The following SMYD3 variants were observed in gnomAD, a reference collection of about 807,000 sequenced individuals.
The protein encoded by SMYD3 is histone-lysine N-methyltransferase SMYD3.
Under a neutral mutation model 57.7 loss-of-function variants are expected in SMYD3, and 36 were observed. The ratio of observed to expected loss-of-function variants is 0.62; its 90% CI spans 0.48 to 0.82. The LOEUF (loss-of-function observed/expected upper bound fraction) is 0.82, where lower values mean the gene tolerates loss of function less well. Ranked by LOEUF, SMYD3 falls within the 40% of genes least tolerant of loss-of-function variation. SMYD3 has a pLI of 0.00. For missense variants in SMYD3, 515 were observed against 538.8 expected (o/e 0.96, Z 0.44); for synonymous variants, 211 against 195.0 (o/e 1.08, Z -0.68).
intron 10 of SMYD3, among the ~76,000 whole-genome samples, chr1:245,812,942 G>A (rs894412858): frequency 4.0e-5 from 6 of 151,502 alleles, no homozygotes; most frequent in African/African-American, 1.5e-4. Flanking sequence ...AGAATAGAGG[G>A]GTAGTTGGGG....
chr1:246,190,004 CTAATT>C (rs891633991), intron 5 of SMYD3, among the ~76,000 whole-genome samples: 2 of 152,120 alleles, frequency 1.3e-5, no homozygotes, highest in African/African-American at 4.8e-5. Flanking sequence ...TTTGTGGAGT[CTAATT>C]TATTTCAAGA....
In SMYD3 at chr1:245,993,419, G is replaced by A. The variant is rs537344696; in HGVS notation, c.532-63482C>T. On this transcript the variant is annotated intron_variant, in intron 5 of 11. Transcript: ENST00000490107. Reference sequence around the variant, plus strand: ...TCAGCAATACTAAACTTTAAAAGAAGAAACCACGTTTAAAAAATTGGTTAA... The same window carrying A: ...TCAGCAATACTAAACTTTAAAAGAAAAAACCACGTTTAAAAAATTGGTTAA... 4.1e-3 allele frequency among the ~76,000 whole-genome samples: 623 copies of A among 152,200 alleles called. 1 individual carries two copies. The highest frequency in any genetic ancestry group is 6.8e-3 in the Middle Eastern group (2 of 294).
At chr1:246,021,019 A>T (rs1366157694) in intron 5 of SMYD3, among the ~76,000 whole-genome samples, 1 of 152,228 alleles carries the variant, frequency 6.6e-6, no homozygotes, top group African/African-American at 2.4e-5. Flanking sequence ...ATTTGATTGT[A>T]AACATAAAAA....
At chr1:245,771,163 T>C (rs1468022106) in intron 10 of SMYD3, among the ~76,000 whole-genome samples, 1 of 149,472 alleles carries the variant, frequency 6.7e-6, no homozygotes, top group African/African-American at 2.5e-5. Flanking sequence ...TACATACATA[T>C]GGCTGTAATG....
At chr1:246,481,747 T>C (rs934159056) in intron 1 of SMYD3, among the ~76,000 whole-genome samples, 2 of 147,142 alleles carry the variant, frequency 1.4e-5, no homozygotes, top group Non-Finnish European at 3.0e-5. Flanking sequence ...TATATGATCA[T>C]ATATGATTAT....
intron 5 of SMYD3, among the ~76,000 whole-genome samples, chr1:246,198,036 T>C (rs1332035310): frequency 6.6e-6 from 1 of 152,198 alleles, no homozygotes; most frequent in East Asian, 1.9e-4. Context: ...TTTTTACTAT[T>C]AATAGTTATG....
chr1:245,934,973 G>A (rs536338285), intron 5 of SMYD3, among the ~76,000 whole-genome samples: 4 of 152,242 alleles, frequency 2.6e-5, no homozygotes, highest in South Asian at 2.1e-4. Flanking sequence ...TCTTAGTCAC[G>A]TTATTTCATT....
intron 10 of SMYD3, among the ~76,000 whole-genome samples, chr1:245,839,443 A>G (rs1022500131): frequency 1.3e-5 from 2 of 151,936 alleles, no homozygotes; most frequent in African/African-American, 2.4e-5. Context: ...TGCTGGGATT[A>G]CAGGCATGAG....
intron 10 of SMYD3, among the ~76,000 whole-genome samples, chr1:245,816,835 C>T (rs552233073): frequency 7.2e-5 from 11 of 152,302 alleles, no homozygotes; most frequent in East Asian, 1.9e-4. Context: ...TTGCGCTTTT[C>T]GGACCGGCCT....
At chr1:245,891,181 A>G (rs1047784108) in intron 8 of SMYD3, among the ~76,000 whole-genome samples, 9 of 152,220 alleles carry the variant, frequency 5.9e-5, no homozygotes, top group Non-Finnish European at 1.2e-4. Context: ...CAGAGTCTAC[A>G]ATAATTTACT....
chr1:246,490,001 CTTTTTTT>C (rs71968916), intron 1 of SMYD3, among the ~76,000 whole-genome samples: 18 of 92,294 alleles, frequency 2.0e-4, no homozygotes, highest in African/African-American at 6.0e-4. Flanking sequence ...TAATTTTTTC[CTTTTTTT>C]TTTTTTTTTT....
intron 5 of SMYD3, among the ~76,000 whole-genome samples, chr1:246,165,394 T>C (rs1259411678): frequency 1.3e-5 from 2 of 152,080 alleles, no homozygotes; most frequent in African/African-American, 2.4e-5. Context: ...ACAGGCACAT[T>C]TAAAGGCTAA....
At chr1:246,297,326 G>C (rs542301643) in intron 5 of SMYD3, among the ~76,000 whole-genome samples, 175 of 152,226 alleles carry the variant, frequency 1.1e-3, no homozygotes, top group African/African-American at 4.1e-3. Flanking sequence ...CCTCAGAGGA[G>C]TCAAACAGGA....
intron 1 of SMYD3, among the ~76,000 whole-genome samples, chr1:246,379,251 G>A (rs76737002): frequency 1.3e-5 from 2 of 149,992 alleles, no homozygotes; most frequent in African/African-American, 4.9e-5. Flanking sequence ...CATTACATGG[G>A]TGTAATAAGA....
At chr1:246,342,716 A>AGC (rs1227360251) in intron 2 of SMYD3, among the ~76,000 whole-genome samples, 1 of 152,200 alleles carries the variant, frequency 6.6e-6, no homozygotes, top group African/African-American at 2.4e-5. Flanking sequence ...AGCTAAATAT[A>AGC]AAGAAGGAAT....
intron 5 of SMYD3, among the ~76,000 whole-genome samples, chr1:246,116,687 T>C (rs1193077373): frequency 6.6e-6 from 1 of 152,170 alleles, no homozygotes; most frequent in Non-Finnish European, 1.5e-5. Context: ...ATAGAACAGC[T>C]TTCATACATA....
intron 5 of SMYD3, among the ~76,000 whole-genome samples, chr1:246,076,113 T>A (rs1430808405): frequency 6.6e-6 from 1 of 152,142 alleles, no homozygotes; most frequent in Non-Finnish European, 1.5e-5. Context: ...AAGGGATACA[T>A]CTGTAGATTT....
chr1:245,947,401 C>T (rs1264261889), intron 5 of SMYD3: 2 of 457,052 alleles, frequency 4.4e-6, no homozygotes, highest in Non-Finnish European at 8.8e-6. Context: ...CCCCGGTCCT[C>T]CTCCATATCC....
At chr1:245,759,656 G>A (rs991086475) in intron 11 of SMYD3, among the ~76,000 whole-genome samples, 4 of 152,214 alleles carry the variant, frequency 2.6e-5, no homozygotes, top group African/African-American at 9.6e-5. Flanking sequence ...AGGACTTGCG[G>A]CCTGGTGCTG....
Sources: gnomAD v4.1 joint callset for allele counts (sites outside exome capture counted in the v4.1 genomes callset) on GRCh38, gnomAD v4.1.1 for gene constraint, MANE v1.5 for transcripts, NCBI Gene and HGNC (gene_info 2026-07-23, HGNC 2026-07-21) for gene names.